The following PTGS2 variants were observed in gnomAD, a reference collection of about 807,000 sequenced individuals.
PTGS2 encodes prostaglandin-endoperoxide synthase 2, also known as prostaglandin G/H synthase 2.
PTGS2 carries 14 observed loss-of-function variants against 63.8 expected under a neutral mutation model. That is an observed-to-expected ratio of 0.22 (90% CI 0.14 to 0.34). The LOEUF (loss-of-function observed/expected upper bound fraction) is 0.34, where lower values mean the gene tolerates loss of function less well. Among genes scored for constraint, PTGS2 ranks in the 10% least tolerant of loss-of-function variants. The pLI, the probability that PTGS2 is intolerant of heterozygous loss-of-function variation, is 1.00. For synonymous variants in PTGS2, 271 were observed against 259.5 expected (o/e 1.04, Z -0.43); for missense variants, 533 against 738.5 (o/e 0.72, Z 3.23).
In PTGS2 at chr1:186,674,431, G is replaced by A. The variant is rs933492734; in HGVS notation, c.1737C>T (p.Ile579=). ...GTCCGGAGCGGGAAGAACTTGCATT[G>A]ATGGTGACTGTTTTAATGAGCTCTG... The part of the protein sequence containing the change: ...PDPELIKTVT[I]NASSSRSGLD... Residue 579 remains isoleucine, a synonymous_variant, in exon 10 of 10, where the codon ATC becomes ATT. Coordinates refer to ENST00000367468, the MANE Select transcript of PTGS2 (RefSeq NM_000963.4). 2 of 1,614,034 alleles carry A rather than the reference G, an allele frequency of 1.2e-6. No homozygotes were observed. The highest frequency in any genetic ancestry group is 8.5e-7 in the Non-Finnish European group (1 of 1,179,890).
intron 3 of PTGS2, among the ~76,000 whole-genome samples, chr1:186,678,776 T>C (rs1300485003): frequency 6.6e-6 from 1 of 152,172 alleles, no homozygotes; most frequent in Admixed American, 6.5e-5. Flanking sequence ...AGAACAATTC[T>C]GTGGCCCATG....
chr1:186,674,276 G>T lies in PTGS2; in HGVS notation c.*77C>A. On this transcript the variant is annotated 3_prime_UTR_variant, in exon 10 of 10. Transcript: ENST00000367468. ...CAGAAGATGTTAAGTAACATAAGGA[G>T]TTTAATATAAATATTATTAAATAAT... 1.1e-6 allele frequency: 1 copy of T among 951,056 alleles called. No homozygotes were observed. The highest frequency in any genetic ancestry group is 1.4e-6 in the Non-Finnish European group (1 of 722,402). The allele number at this position is 951,056 out of a possible 1,614,324, so 58.9% of individuals were successfully genotyped here. A position where few individuals can be genotyped will look rare whatever the true frequency, so the allele number is the denominator to read the frequency against.
At position 186,676,732 on chromosome 1, in the gene PTGS2, A is replaced by T; in HGVS notation, c.724-19T>A. 6.2e-7 allele frequency: 1 copy of T among 1,601,286 alleles called. No individual in the cohort carries two copies. The highest frequency in any genetic ancestry group is 8.5e-7 in the Non-Finnish European group (1 of 1,174,652). On this transcript the variant is annotated intron_variant, in intron 6 of 9. Transcript: ENST00000367468. ...CAATTATCTAAAAAAATAAATAAAT[A>T]AATAAACATCAGTTAAAAAGTTAAG... is the stretch of plus-strand genomic sequence containing the variant.
rs1162551762 is a variant in PTGS2, at chr1:186,675,410, A to G, written c.1258-14T>C. 6.2e-7 allele frequency: 1 copy of G among 1,606,420 alleles called. No homozygotes were observed. Among genetic ancestry groups the G allele is most frequent in the Non-Finnish European group, 8.5e-7 (1 of 1,178,304 alleles). On this transcript the variant is annotated splice_polypyrimidine_tract_variant and intron_variant, in intron 8 of 9. Transcript: ENST00000367468. ...ACCACCAGCAACCTGTGGAAAGTAA[A>G]ATTAGTTGTAAAACAAGAATTTTAG...
In PTGS2 at chr1:186,674,665, A is replaced by C; in HGVS notation, c.1503T>G (p.Asp501Glu). The change falls in exon 10 of 10, where the codon GAT becomes GAG. Residue 501 changes from aspartate (D) to glutamate (E), a missense_variant. Coordinates refer to ENST00000367468, the MANE Select transcript of PTGS2 (RefSeq NM_000963.4). ...PALLVEKPRP[D>E]AIFGETMVEV... ...CTACCATGGTTTCACCAAAGATGGCATCTGGCCGAGGCTTTTCTACCAGAA... is the reference window on the plus strand; with the variant it reads ...CTACCATGGTTTCACCAAAGATGGCCTCTGGCCGAGGCTTTTCTACCAGAA... The C allele has an allele frequency of 2.5e-6, 4 of 1,614,222 alleles. No homozygotes were observed. Among genetic ancestry groups the C allele is most frequent in the Non-Finnish European group, 3.4e-6 (4 of 1,180,034 alleles).
Position 186,676,447 on chromosome 1 carries a change from T to C in PTGS2, c.970+20A>G. On this transcript the variant is annotated intron_variant, in intron 7 of 9. Transcript: ENST00000367468. ...TTTCCCTGGGGAAGAGGGTTTTATATAAATCATTTTCTTGTTTACCTATCA... is the reference window on the plus strand; with the variant it reads ...TTTCCCTGGGGAAGAGGGTTTTATACAAATCATTTTCTTGTTTACCTATCA... 6.8e-6 allele frequency: 11 copies of C among 1,609,970 alleles called. No individual in the cohort carries two copies. Among genetic ancestry groups the C allele is most frequent in the Non-Finnish European group, 9.3e-6 (11 of 1,177,072 alleles).
chr1:186,677,887 G>A, intron 4 of PTGS2, 57 bp from the exon 5 acceptor site: 1 of 1,508,392 alleles, frequency 6.6e-7, no homozygotes, highest in Non-Finnish European at 9.0e-7. Flanking sequence ...AAAGGAGATG[G>A]TGACTGTCAA....
chr1:186,677,016 C>A, intron 5 of PTGS2, 100 bp from the exon 6 acceptor site: 2 of 897,976 alleles, frequency 2.2e-6, no homozygotes, highest in South Asian at 1.7e-5. Context: ...GATCATTTAG[C>A]TTTCTTTAAA....
At chr1:186,676,336 A>G (rs1374459102) in intron 7 of PTGS2, 131 bp downstream of exon 7, 7 of 1,387,086 alleles carry the variant, frequency 5.0e-6, no homozygotes, top group Non-Finnish European at 6.9e-6. Flanking sequence ...AGTCATGCTT[A>G]CATATTTAAT....
In PTGS2 at chr1:186,677,972, T is replaced by G. The variant is rs4648270; in HGVS notation, c.458-142A>C. 816 of 783,568 alleles carry G rather than the reference T, an allele frequency of 1.0e-3. 1 individual carries two copies. Among genetic ancestry groups the G allele is most frequent in the Non-Finnish European group, 1.4e-3 (701 of 509,658 alleles). The allele number at this position is 783,568 out of a possible 1,614,324, so 48.5% of individuals were successfully genotyped here. A position where few individuals can be genotyped will look rare whatever the true frequency, so the allele number is the denominator to read the frequency against. ...CATAATATAAACAACAGTTCTAAGATATGGTGGAACAACTTCTTACTGAAT... is the reference window on the plus strand; with the variant it reads ...CATAATATAAACAACAGTTCTAAGAGATGGTGGAACAACTTCTTACTGAAT... On this transcript the variant is annotated intron_variant, in intron 4 of 9. Transcript: ENST00000367468.
At position 186,672,436 on chromosome 1, in the gene PTGS2, T is replaced by C. The variant is rs1239048927; in HGVS notation, c.*1917A>G. 6.6e-6 allele frequency: 1 copy of C among 152,454 alleles called. No homozygotes were observed. The highest frequency in any genetic ancestry group is 1.9e-4 in the East Asian group (1 of 5,204). 9.4% of individuals were successfully genotyped at this position (152,454 alleles called of 1,614,324 possible). ...TTTCTAAAAATTTATTCACAAATCT[T>C]AATACAATCATTTCTTTGGATTGTT... On this transcript the variant is annotated 3_prime_UTR_variant, in exon 10 of 10. Coordinates refer to ENST00000367468, the MANE Select transcript of PTGS2 (RefSeq NM_000963.4).
At chr1:186,675,036 T>G (rs1665755619) in intron 9 of PTGS2, among the ~76,000 whole-genome samples, 1 of 152,140 alleles carries the variant, frequency 6.6e-6, no homozygotes, top group African/African-American at 2.4e-5. Context: ...AAATTATCCA[T>G]GCGTGCGACG....
intron 9 of PTGS2, 55 bp from the exon 10 acceptor site, chr1:186,674,817 A>G: frequency 2.6e-6 from 4 of 1,509,736 alleles, no homozygotes; most frequent in Non-Finnish European, 3.6e-6. Flanking sequence ...ACAAAATAAA[A>G]AACAGTTTGA....
In PTGS2 at chr1:186,675,371, G is replaced by A. The variant is rs984061797; in HGVS notation, c.1283C>T (p.Pro428Leu). The A allele has an allele frequency of 5.0e-6, 8 of 1,612,584 alleles. No individual in the cohort carries two copies. In the African/African-American group the frequency reaches 9.4e-5, roughly 19 times the overall value. ...AGCCTGTGATACTTTCTGTACTGCG[G>A]GTGGAACATTCCTACCACCAGCAAC... Reference protein sequence around the residue: ...GRVAGGRNVPPAVQKVSQASI... With the variant: ...GRVAGGRNVPLAVQKVSQASI... Residue 428 changes from proline to leucine, a missense_variant, in exon 9 of 10, where the codon CCC (proline) becomes CTC (leucine). Physicochemically the swap from Pro to Leu is moderately conservative, Grantham distance 98. Around this residue, in one of 5 missense-constraint regions of PTGS2, gnomAD observed 219 missense variants for 267.4 expected, o/e 0.82. Transcript: ENST00000367468.
Position 186,673,387 on chromosome 1 carries a change from T to G in PTGS2, c.*966A>C, listed in dbSNP as rs778888429. ...GCACAAGGATAAAAAAAAGTTTGCTTCAAAAGTTTAAACCTAAATTTGAAC... is the reference window on the plus strand; with the variant it reads ...GCACAAGGATAAAAAAAAGTTTGCTGCAAAAGTTTAAACCTAAATTTGAAC... On this transcript the variant is annotated 3_prime_UTR_variant, in exon 10 of 10. Coordinates refer to ENST00000367468, the MANE Select transcript of PTGS2 (RefSeq NM_000963.4). 4 of 152,192 alleles carry G rather than the reference T, an allele frequency of 2.6e-5. No individual in the cohort carries two copies. The highest frequency in any genetic ancestry group is 5.9e-5 in the Non-Finnish European group (4 of 68,016). The allele number at this position is 152,192 out of a possible 1,614,324, so 9.4% of individuals were successfully genotyped here.
At chr1:186,679,840 TC>T (rs1665845518) in intron 1 of PTGS2, among the ~76,000 whole-genome samples, 1 of 152,190 alleles carries the variant, frequency 6.6e-6, no homozygotes, top group African/African-American at 2.4e-5. Flanking sequence ...TAAAACATAA[TC>T]CGGGCTTTCC....
chr1:186,678,505 A>G, intron 3 of PTGS2, 101 bp from the exon 4 acceptor site: 1 of 1,098,378 alleles, frequency 9.1e-7, no homozygotes, highest in African/African-American at 1.6e-5. Flanking sequence ...CCTGAGGTTG[A>G]ATGTAACTCC....
chr1:186,677,776 C>T lies in PTGS2; in HGVS notation c.512G>A (p.Arg171Lys). 6.2e-7 allele frequency: 1 copy of T among 1,613,444 alleles called. No homozygotes were observed. Among genetic ancestry groups the T allele is most frequent in the Middle Eastern group, 1.7e-4 (1 of 6,060 alleles). The part of the protein sequence containing the change: ...NEIVEKLLLR[R>K]KFIPDPQGSN... ...GCCCTGGGGATCAGGGATGAACTTT[C>T]TTCTTAGAAGCAATTTTTCCACAAT... The change falls in exon 5 of 10, where the codon AGA becomes AAA. Residue 171 changes from arginine (R) to lysine (K), a missense_variant. This residue lies in a region of PTGS2 where 118 missense variants were observed against 138.7 expected (regional missense o/e 0.85). Coordinates refer to ENST00000367468, the MANE Select transcript of PTGS2 (RefSeq NM_000963.4).
chr1:186,678,163 T>C (rs1215492852), intron 4 of PTGS2, 98 bp downstream of exon 4: 2 of 1,269,478 alleles, frequency 1.6e-6, no homozygotes, highest in Admixed American at 3.1e-5. Context: ...ACTGCTTTTG[T>C]TAATAAATAA....
Sources: gnomAD v4.1 joint callset for allele counts (sites outside exome capture counted in the v4.1 genomes callset) on GRCh38, gnomAD v4.1.1 for gene constraint, gnomAD v4.1.1 regional missense constraint, MANE v1.5 for transcripts, NCBI Gene and HGNC (gene_info 2026-07-23, HGNC 2026-07-21) for gene names.